TRPM3: variants seen among roughly 807,000 people sequenced by gnomAD.
TRPM3 encodes transient receptor potential cation channel subfamily M member 3, also known as long transient receptor potential channel 3.
A neutral mutation model predicts 181.2 loss-of-function variants in TRPM3; 77 were observed. The observed-to-expected ratio is 0.42, with a 90% CI of 0.35 to 0.51. The LOEUF is 0.51. TRPM3 is among the 20% of genes least tolerant of loss of function. TRPM3 has a pLI of 0.01. For missense variants in TRPM3, 1,759 were observed against 2,196.7 expected, an observed-to-expected ratio of 0.80 and a Z score of 3.98; for synonymous variants, 745 against 796.4, an observed-to-expected ratio of 0.94 and a Z score of 1.09.
chr9:70,804,044 G>T (rs1322215021), intron 6 of TRPM3, among the ~76,000 whole-genome samples: 1 of 151,918 alleles, frequency 6.6e-6, no homozygotes, highest in African/African-American at 2.4e-5. Context: ...AAAATGTACT[G>T]TTCTGGCCAG....
chr9:70,767,697 C>T (rs560848355), intron 7 of TRPM3, among the ~76,000 whole-genome samples: 86 of 152,238 alleles, frequency 5.6e-4, no homozygotes, highest in African/African-American at 2.0e-3. Flanking sequence ...GCTAGAATAT[C>T]CAAGATGGCT....
intron 1 of TRPM3, among the ~76,000 whole-genome samples, chr9:70,947,905 C>T (rs1349902509): frequency 6.6e-6 from 1 of 152,086 alleles, no homozygotes; most frequent in African/African-American, 2.4e-5. Context: ...TGCACTTCCC[C>T]CAAATCTTTC....
intron 8 of TRPM3, among the ~76,000 whole-genome samples, chr9:70,752,687 A>G (rs1195057406): frequency 6.6e-6 from 1 of 152,172 alleles, no homozygotes; most frequent in African/African-American, 2.4e-5. Context: ...ACAAATACCT[A>G]ACATTGTGTT....
chr9:71,396,326 T>C (rs920782995), intron 1 of TRPM3, among the ~76,000 whole-genome samples: 3 of 148,188 alleles, frequency 2.0e-5, no homozygotes, highest in African/African-American at 7.4e-5. Context: ...AAATCCTTAA[T>C]TAATGTGCAA....
In TRPM3 at chr9:70,797,438, A is replaced by C. The variant is rs141104533; in HGVS notation, c.974-13159T>G. Among the ~76,000 whole-genome samples the C allele has an allele frequency of 2.5e-3, 377 of 152,214 alleles. 3 individuals are homozygous for C. The highest frequency in any genetic ancestry group is 8.3e-3 in the African/African-American group (343 of 41,516). On this transcript the variant is annotated intron_variant, in intron 6 of 25. Transcript: ENST00000677713. ...GTAAAAATGTAGTGGGTTTTTAGGAAAGGCCCATTGTTTTTAGGAAAAGCC... is the reference window on the plus strand; with the variant it reads ...GTAAAAATGTAGTGGGTTTTTAGGACAGGCCCATTGTTTTTAGGAAAAGCC...
intron 1 of TRPM3, among the ~76,000 whole-genome samples, chr9:71,110,146 C>T (rs2070741170): frequency 6.6e-6 from 1 of 152,104 alleles, no homozygotes; most frequent in Non-Finnish European, 1.5e-5. Flanking sequence ...CCCTCAGACA[C>T]TGAGCAGTTT....
chr9:71,063,658 G>C (rs1019969136), intron 1 of TRPM3, among the ~76,000 whole-genome samples: 1 of 152,090 alleles, frequency 6.6e-6, no homozygotes, highest in Non-Finnish European at 1.5e-5. Flanking sequence ...GAGACATTCA[G>C]TAGACAAAGA....
At chr9:71,008,863 C>A (rs1196974356) in intron 1 of TRPM3, among the ~76,000 whole-genome samples, 2 of 152,192 alleles carry the variant, frequency 1.3e-5, no homozygotes, top group Non-Finnish European at 2.9e-5. Context: ...ACAACAACAA[C>A]AAAAACCTTT....
chr9:70,840,245 T>G (rs2094554397), intron 5 of TRPM3, among the ~76,000 whole-genome samples: 1 of 152,142 alleles, frequency 6.6e-6, no homozygotes. Flanking sequence ...AAATCTTAGG[T>G]ATATTCTAGT....
chr9:70,883,008 T>G (rs77492734), intron 1 of TRPM3, among the ~76,000 whole-genome samples: 2,652 of 152,308 alleles, frequency 0.017, 85 homozygotes, highest in African/African-American at 0.058. Context: ...CATATGTGTT[T>G]CCTGTAACAT....
intron 1 of TRPM3, among the ~76,000 whole-genome samples, chr9:70,962,580 G>C (rs892749045): frequency 3.3e-5 from 5 of 152,134 alleles, no homozygotes; most frequent in Non-Finnish European, 5.9e-5. Context: ...TATGTTCCAA[G>C]ACTCCCAGTG....
At chr9:71,130,513 A>T (rs1200894959) in intron 1 of TRPM3, among the ~76,000 whole-genome samples, 2 of 152,190 alleles carry the variant, frequency 1.3e-5, no homozygotes, top group African/African-American at 4.8e-5. Context: ...ACTTCATATA[A>T]AATGTTCAGA....
intron 1 of TRPM3, among the ~76,000 whole-genome samples, chr9:71,218,465 G>C (rs1191965594): frequency 6.6e-6 from 1 of 152,176 alleles, no homozygotes; most frequent in East Asian, 1.9e-4. Context: ...AAACAGCAGT[G>C]TCAAGATTTG....
chr9:70,833,370 T>C (rs1396780305), intron 5 of TRPM3, among the ~76,000 whole-genome samples: 1 of 152,156 alleles, frequency 6.6e-6, no homozygotes, highest in East Asian at 1.9e-4. Context: ...ACCAACATGC[T>C]CCAGACAAGA....
rs543669494 is a variant in TRPM3, at chr9:70,559,460, C to A, written c.3224-6150G>T. On this transcript the variant is annotated intron_variant, in intron 22 of 25. Coordinates refer to ENST00000677713, the MANE Select transcript of TRPM3 (RefSeq NM_001366145.2). The stretch of plus-strand genomic sequence containing the variant: ...TTTTTGGTAATTGCCAAGGTTAAAG[C>A]AATAGGTCTGGTCTTTGACAAAAGC... Among the ~76,000 whole-genome samples the A allele has an allele frequency of 2.6e-5, 4 of 152,268 alleles. No homozygotes were observed. The South Asian group carries it at 8.3e-4, about 32-fold the overall frequency.
chr9:70,882,353 A>G (rs1249797677), intron 1 of TRPM3, among the ~76,000 whole-genome samples: 1 of 152,178 alleles, frequency 6.6e-6, no homozygotes, highest in Admixed American at 6.5e-5. Flanking sequence ...GCTTACATAA[A>G]TTATATCTCT....
intron 5 of TRPM3, among the ~76,000 whole-genome samples, chr9:70,833,090 G>A (rs567481003): frequency 3.3e-5 from 5 of 152,270 alleles, no homozygotes; most frequent in Admixed American, 6.5e-5. Flanking sequence ...CTCTAAAATT[G>A]AGTCTGGACA....
At chr9:71,294,230 A>G (rs1423647715) in intron 1 of TRPM3, among the ~76,000 whole-genome samples, 1 of 152,044 alleles carries the variant, frequency 6.6e-6, no homozygotes, top group East Asian at 1.9e-4. Context: ...TGCTGTATAT[A>G]TAACAAACAA....
chr9:70,823,011 C>T (rs78849489), intron 6 of TRPM3, among the ~76,000 whole-genome samples: 1,530 of 152,274 alleles, frequency 0.01, 5 homozygotes, highest in Non-Finnish European at 0.016. Flanking sequence ...TCTCCAGCAT[C>T]TCTGGCATCC....
Sources: gnomAD v4.1 joint callset for allele counts (sites outside exome capture counted in the v4.1 genomes callset) on GRCh38, gnomAD v4.1.1 for gene constraint, MANE v1.5 for transcripts, NCBI Gene and HGNC (gene_info 2026-07-23, HGNC 2026-07-21) for gene names.